TEX14: variants seen among roughly 807,000 people sequenced by gnomAD.
TEX14 encodes the protein testis expressed 14, intercellular bridge forming factor.
In TEX14, 168 loss-of-function variants were observed where a neutral mutation model predicts 178.6. That is an observed-to-expected ratio of 0.94 (90% CI 0.83 to 1.07). The LOEUF is 1.07. TEX14 is among the 50% of genes least tolerant of loss of function. TEX14 has a pLI of 0.00. For synonymous variants in TEX14, 626 were observed against 634.1 expected (o/e 0.99, Z 0.19); for missense variants, 1,730 against 1,753.6 (o/e 0.99, Z 0.24).
intron 10 of TEX14, among the ~76,000 whole-genome samples, chr17:58,605,878 A>G (rs960494399): frequency 6.6e-6 from 1 of 152,192 alleles, no homozygotes; most frequent in African/African-American, 2.4e-5. Flanking sequence ...TCCATTCTAG[A>G]GAGTCAGCTC....
At chr17:58,565,014 T>C in intron 27 of TEX14, 46 bp from the exon 28 acceptor site, 1 of 1,252,336 alleles carries the variant, frequency 8.0e-7, no homozygotes, top group Non-Finnish European at 1.1e-6. Flanking sequence ...GAAAAAAAAA[T>C]TGAGAAAGCT....
intron 1 of TEX14, among the ~76,000 whole-genome samples, chr17:58,655,157 C>T (rs1037766107): frequency 2.0e-5 from 3 of 150,942 alleles, no homozygotes; most frequent in Non-Finnish European, 4.4e-5. Flanking sequence ...GGATTACAGG[C>T]GCCTGCCACC....
intron 1 of TEX14, among the ~76,000 whole-genome samples, chr17:58,659,160 G>C (rs961731581): frequency 6.6e-6 from 1 of 152,198 alleles, no homozygotes; most frequent in South Asian, 2.1e-4. Context: ...ACAGAAAAGC[G>C]CAAAAGCAGT....
intron 14 of TEX14, among the ~76,000 whole-genome samples, chr17:58,594,027 G>T (rs2144447248): frequency 6.6e-6 from 1 of 152,158 alleles, no homozygotes; most frequent in South Asian, 2.1e-4. Flanking sequence ...TAGAGACAGG[G>T]TTTCACCATG....
intron 9 of TEX14, among the ~76,000 whole-genome samples, chr17:58,613,202 A>T (rs1281267000): frequency 6.6e-6 from 1 of 151,892 alleles, no homozygotes; most frequent in Non-Finnish European, 1.5e-5. Flanking sequence ...TCTGTCTCAA[A>T]AAAAAAAAAG....
intron 3 of TEX14, among the ~76,000 whole-genome samples, chr17:58,625,304 T>C (rs2046110259): frequency 1.3e-5 from 2 of 151,962 alleles, no homozygotes; most frequent in South Asian, 2.1e-4. Context: ...TCAGGTAACT[T>C]TTGTATTTTT....
At chr17:58,645,494 G>A (rs568766397) in intron 2 of TEX14, among the ~76,000 whole-genome samples, 1 of 152,164 alleles carries the variant, frequency 6.6e-6, no homozygotes, top group African/African-American at 2.4e-5. Flanking sequence ...GAGTAGCTGG[G>A]ACTATAGGCG....
intron 28 of TEX14, among the ~76,000 whole-genome samples, chr17:58,563,846 G>A (rs953863792): frequency 4.1e-5 from 6 of 147,394 alleles, no homozygotes; most frequent in African/African-American, 1.5e-4. Flanking sequence ...AGACGGCAAA[G>A]AACTCAGACA....
chr17:58,557,502 C>A (rs1191552988), intron 31 of TEX14, among the ~76,000 whole-genome samples: 1 of 152,104 alleles, frequency 6.6e-6, no homozygotes, highest in African/African-American at 2.4e-5. Flanking sequence ...AACTCCTGAC[C>A]TCAGGTGATC....
rs532495938 is a variant in TEX14, at chr17:58,598,120, C to T, written c.2469+756G>A. Among the ~76,000 whole-genome samples the T allele has an allele frequency of 7.2e-5, 11 of 152,012 alleles. No individual in the cohort carries two copies. In the South Asian group the frequency reaches 1.0e-3, roughly 14 times the overall value. ...CCTGAGGTCAGGAGTTCGAGACCAG[C>T]GGTGACCAACATGAAGAAACCCCAT... On this transcript the variant is annotated intron_variant, in intron 14 of 31. Transcript: ENST00000349033.
At chr17:58,629,520 T>C (rs1379414733) in intron 3 of TEX14, among the ~76,000 whole-genome samples, 2 of 149,072 alleles carry the variant, frequency 1.3e-5, no homozygotes, top group Non-Finnish European at 1.5e-5. Flanking sequence ...TACTGTTTCA[T>C]ATTAAAATTT....
At chr17:58,575,674 G>A (rs1357073329) in intron 21 of TEX14, among the ~76,000 whole-genome samples, 1 of 152,142 alleles carries the variant, frequency 6.6e-6, no homozygotes, top group African/African-American at 2.4e-5. Context: ...AACTCACCGT[G>A]TTCCATTTTT....
At chr17:58,610,747 G>A (rs1192139185) in intron 10 of TEX14, among the ~76,000 whole-genome samples, 2 of 152,006 alleles carry the variant, frequency 1.3e-5, no homozygotes, top group Middle Eastern at 3.2e-3. Context: ...TTAGCCAGGC[G>A]TGGTGGTGAG....
In TEX14 at chr17:58,609,356, G is replaced by A. The variant is rs527396551; in HGVS notation, c.1184+1805C>T. On this transcript the variant is annotated intron_variant, in intron 10 of 31. Transcript: ENST00000349033. ...GATTTCCTGACCTCATGATCCACCC[G>A]TCTCGGCCTCCCAAAGTGCTGGGAT... Among the ~76,000 whole-genome samples, 5 of 152,174 alleles carry A rather than the reference G, an allele frequency of 3.3e-5. No individual in the cohort carries two copies. The South Asian group carries it at 1.0e-3, about 32-fold the overall frequency.
chr17:58,685,400 C>T (rs960250829), intron 1 of TEX14, among the ~76,000 whole-genome samples: 8 of 150,044 alleles, frequency 5.3e-5, no homozygotes, highest in South Asian at 2.1e-4. Flanking sequence ...CACACCACCG[C>T]ACTCCAGCCT....
intron 1 of TEX14, among the ~76,000 whole-genome samples, chr17:58,663,629 G>C (rs924719370): frequency 6.6e-6 from 1 of 151,880 alleles, no homozygotes; most frequent in Admixed American, 6.6e-5. Context: ...ACCACGCCTG[G>C]CTAATTTTTT....
chr17:58,574,454 G>A (rs2044625992), intron 21 of TEX14, among the ~76,000 whole-genome samples: 1 of 151,858 alleles, frequency 6.6e-6, no homozygotes, highest in Non-Finnish European at 1.5e-5. Flanking sequence ...AAAGCGGGTG[G>A]GTCACGAGGT....
chr17:58,617,898 C>T (rs2045909710), intron 5 of TEX14, among the ~76,000 whole-genome samples: 1 of 152,202 alleles, frequency 6.6e-6, no homozygotes, highest in African/African-American at 2.4e-5. Context: ...GATAGTCTCT[C>T]ACTTTGAGGC....
chr17:58,660,838 G>A (rs1192474663), intron 1 of TEX14: 2 of 786,450 alleles, frequency 2.5e-6, no homozygotes, highest in Non-Finnish European at 4.7e-6. Flanking sequence ...CAAATACTTT[G>A]GCTTGCGCCA....
Sources: allele counts gnomAD v4.1 joint callset (sites outside exome capture counted in the v4.1 genomes callset), GRCh38; gene constraint gnomAD v4.1.1; transcripts MANE v1.5; gene names NCBI Gene and HGNC (gene_info 2026-07-23, HGNC 2026-07-21).